BICRA: variants seen among roughly 807,000 people sequenced by gnomAD.
BICRA encodes BRD4-interacting chromatin-remodeling complex-associated protein.
A neutral mutation model predicts 96.9 loss-of-function variants in BICRA; 31 were observed. That is an observed-to-expected ratio of 0.32 (90% CI 0.24 to 0.43). BICRA has a LOEUF of 0.43. Ranked by LOEUF, BICRA falls within the 20% of genes least tolerant of loss-of-function variation. BICRA has a pLI of 1.00. For missense variants in BICRA, 2,283 were observed against 2,190.3 expected, an observed-to-expected ratio of 1.04 and a Z score of -0.84; for synonymous variants, 1,350 against 1,071.8, an observed-to-expected ratio of 1.26 and a Z score of -5.07.
chr19:47,638,323 A>G (rs1178400130), intron 1 of BICRA, among the ~76,000 whole-genome samples: 1 of 152,180 alleles, frequency 6.6e-6, no homozygotes, highest in Admixed American at 6.5e-5. Context: ...CCGGGAAGGC[A>G]TAGGGAGAGG....
intron 1 of BICRA, among the ~76,000 whole-genome samples, chr19:47,664,275 C>A (rs1379033856): frequency 3.3e-5 from 5 of 152,164 alleles, no homozygotes; most frequent in Non-Finnish European, 7.3e-5. Flanking sequence ...AGCAGCCTGG[C>A]TTCTGCACAG....
intron 1 of BICRA, among the ~76,000 whole-genome samples, chr19:47,630,346 T>G (rs1229717978): frequency 6.6e-6 from 1 of 151,596 alleles, no homozygotes; most frequent in Non-Finnish European, 1.5e-5. Context: ...GCTTTTTGTT[T>G]TTTTTTTAGT....
chr19:47,644,803 C>T (rs1196952038), intron 1 of BICRA, among the ~76,000 whole-genome samples: 5 of 152,110 alleles, frequency 3.3e-5, no homozygotes, highest in Non-Finnish European at 7.3e-5. Flanking sequence ...GCCCGGATTT[C>T]ATTCCATATG....
chr19:47,667,839 A>G (rs979142769), intron 1 of BICRA, among the ~76,000 whole-genome samples: 2 of 152,118 alleles, frequency 1.3e-5, no homozygotes, highest in African/African-American at 4.8e-5. Context: ...ATTCTGCTGT[A>G]TTTGTTTCAG....
rs763782809 is a variant in BICRA at position 47,694,712 on chromosome 19, G to A, written c.2881G>A (p.Glu961Lys). ...GCTGCCCCAGCCGAAGGCTCTTCTCGAGAGATTTCACCAGGTAACGGGAGG... is the reference window on the plus strand; with the variant it reads ...GCTGCCCCAGCCGAAGGCTCTTCTCAAGAGATTTCACCAGGTAACGGGAGG... Reference protein sequence around the residue: ...PALPQPKALLERFHQVPSGII... With the variant: ...PALPQPKALLKRFHQVPSGII... Residue 961 changes from glutamate to lysine, a missense_variant, in exon 8 of 15, where the codon GAG becomes AAG. By Grantham distance (56) the Glu-to-Lys change is moderately conservative (BLOSUM62 1). Transcript: ENST00000594866. The A allele has an allele frequency of 1.2e-5, 19 of 1,541,736 alleles. No individual in the cohort carries two copies. Among genetic ancestry groups the A allele is most frequent in the Non-Finnish European group, 1.4e-5 (16 of 1,130,604 alleles).
At chr19:47,652,161 A>G (rs2161621) in intron 1 of BICRA, among the ~76,000 whole-genome samples, 19,345 of 152,008 alleles carry the variant, frequency 0.13, 1,349 homozygotes, top group East Asian at 0.18. Flanking sequence ...GTAAAAAACT[A>G]TTTCAGGTAT....
chr19:47,657,815 A>T (rs1972643313), intron 1 of BICRA, among the ~76,000 whole-genome samples: 1 of 152,122 alleles, frequency 6.6e-6, no homozygotes, highest in Non-Finnish European at 1.5e-5. Context: ...TACTTAATCC[A>T]GGCTTTAATT....
rs1973499600 is a variant in BICRA, at chr19:47,703,163, T to C, written c.*748T>C. 6.5e-6 allele frequency: 1 copy of C among 152,728 alleles called. No homozygotes were observed. Among genetic ancestry groups the C allele is most frequent in the Non-Finnish European group, 1.5e-5 (1 of 68,102 alleles). The allele number at this position is 152,728 out of a possible 1,614,324, so 9.5% of individuals were successfully genotyped here. ...GAAATCTCGGAGACAAAACTAGTAC[T>C]GTAAGATAAATTTTTTTGTACTGTA... On this transcript the variant is annotated 3_prime_UTR_variant, in exon 15 of 15. Coordinates refer to ENST00000594866, the MANE Select transcript of BICRA (RefSeq NM_001394372.1).
At chr19:47,609,376 CTTTT>C (rs774981061) in intron 1 of BICRA, among the ~76,000 whole-genome samples, 3 of 27,612 alleles carry the variant, frequency 1.1e-4, no homozygotes, top group Non-Finnish European at 2.1e-4. Flanking sequence ...CCGCTGCCTC[CTTTT>C]TTTTTTTTTT....
rs570128848 is a variant in BICRA, at chr19:47,697,799, G to T, written c.3249-835G>T. Among the ~76,000 whole-genome samples, 293 of 152,250 alleles carry T rather than the reference G, an allele frequency of 1.9e-3. 2 individuals are homozygous for T. Among genetic ancestry groups the T allele is most frequent in the African/African-American group, 6.7e-3 (277 of 41,544 alleles). ...GGCCTAGGTTGGTCTGAAACTCCTA[G>T]TCTCAAGTGATCCTCCCACCTCAGT... On this transcript the variant is annotated intron_variant, in intron 11 of 14. Transcript: ENST00000594866.
chr19:47,694,810 G>T lies in BICRA; in HGVS notation c.2895+84G>T, dbSNP rs1455535867. Reference sequence around the variant, plus strand: ...CTGATGGGAGCCCCTCCGCCTTACGGCTCTGTGATCCTCCCCAGCCCTGCT... The same window carrying T: ...CTGATGGGAGCCCCTCCGCCTTACGTCTCTGTGATCCTCCCCAGCCCTGCT... On this transcript the variant is annotated intron_variant, in intron 8 of 14. Coordinates refer to ENST00000594866, the MANE Select transcript of BICRA (RefSeq NM_001394372.1). The T allele has an allele frequency of 3.4e-6, 4 of 1,167,394 alleles. No homozygotes were observed. The African/African-American group carries it at 4.6e-5, about 13-fold the overall frequency. 72.3% of individuals were successfully genotyped at this position (1,167,394 alleles called of 1,614,324 possible). A position where few individuals can be genotyped will look rare whatever the true frequency, so the allele number is the denominator to read the frequency against.
chr19:47,608,794 G>A (rs1304282642), upstream of BICRA, among the ~76,000 whole-genome samples: 3 of 151,562 alleles, frequency 2.0e-5, no homozygotes, highest in Non-Finnish European at 4.4e-5. Flanking sequence ...CGGACGCGGG[G>A]CGGGGATTCC....
intron 1 of BICRA, among the ~76,000 whole-genome samples, chr19:47,659,733 C>CAT (rs1226632355): frequency 3.5e-5 from 4 of 114,650 alleles, no homozygotes; most frequent in Non-Finnish European, 7.9e-5. Flanking sequence ...CACACACACA[C>CAT]GTTCTCTTCT....
In BICRA at chr19:47,694,591, C is replaced by G. The variant is rs377502847; in HGVS notation, c.2760C>G (p.Pro920=). The change falls in exon 8 of 15, where the codon CCC becomes CCG. Residue 920 remains proline, a synonymous_variant. Transcript: ENST00000594866. The part of the protein sequence containing the change: ...FPPSQGPHKS[P]TPPPTLHLVP... The stretch of plus-strand genomic sequence containing the variant: ...CCAGCCAGGGGCCCCACAAGTCCCC[C>G]ACTCCCCCTCCAACCCTCCACCTGG... The G allele has an allele frequency of 6.3e-7, 1 of 1,580,322 alleles. No individual in the cohort carries two copies. The highest frequency in any genetic ancestry group is 1.4e-5 in the African/African-American group (1 of 73,774).
At position 47,679,623 on chromosome 19, in the gene BICRA, C is replaced by T. The variant is rs910621563; in HGVS notation, c.453C>T (p.Ala151=). 37 of 1,515,980 alleles carry T rather than the reference C, an allele frequency of 2.4e-5. No individual in the cohort carries two copies. The highest frequency in any genetic ancestry group is 1.3e-4 in the Admixed American group (6 of 46,502). 93.9% of individuals were successfully genotyped at this position (1,515,980 alleles called of 1,614,324 possible). Residue 151 remains alanine, a synonymous_variant, in exon 6 of 15, where the codon GCC becomes GCT. Coordinates refer to ENST00000594866, the MANE Select transcript of BICRA (RefSeq NM_001394372.1). ...CGACGGGCGCTGGAGGGGCAGCGGC[C>T]GTGGCTGCGGGGCCCCAAGCCCTCT... ...AGPTGAGGAA[A]VAAGPQALFP...
rs562014894 is a variant in BICRA, at chr19:47,630,552, C to T, written c.-108+21384C>T. Among the ~76,000 whole-genome samples the T allele has an allele frequency of 3.9e-5, 6 of 152,254 alleles. No homozygotes were observed. The East Asian group carries it at 7.7e-4, about 20-fold the overall frequency. The stretch of plus-strand genomic sequence containing the variant: ...TTTGTGTTGATTTCACTTTACATGT[C>T]TTCATGGTTCATCCCTGTTGTAGCA... On this transcript the variant is annotated intron_variant, in intron 1 of 14. Transcript: ENST00000594866.
At chr19:47,642,728 AAAAG>A (rs1420794160) in intron 1 of BICRA, among the ~76,000 whole-genome samples, 3 of 152,114 alleles carry the variant, frequency 2.0e-5, no homozygotes, top group East Asian at 1.9e-4. Flanking sequence ...AGAAAAAGAA[AAAAG>A]AAAGAAAGTG....
At chr19:47,693,636 GGCTGGT>G (rs1416524219) in intron 7 of BICRA, among the ~76,000 whole-genome samples, 1 of 152,204 alleles carries the variant, frequency 6.6e-6, no homozygotes, top group African/African-American at 2.4e-5. Context: ...TGGCTGGATG[GGCTGGT>G]GGGGGCTGGC....
At chr19:47,648,086 CCCTGTTTTCCTGTTACCGTCT>C (rs1165254003) in intron 1 of BICRA, among the ~76,000 whole-genome samples, 1 of 151,948 alleles carries the variant, frequency 6.6e-6, no homozygotes, top group Non-Finnish European at 1.5e-5. Context: ...CTCTCCGTCT[CCCTGTTTTCCTGTTACCGTCT>C]CCCCGTCCCT....
Sources: gnomAD v4.1 joint callset for allele counts (sites outside exome capture counted in the v4.1 genomes callset) on GRCh38, gnomAD v4.1.1 for gene constraint, MANE v1.5 for transcripts, NCBI Gene and HGNC (gene_info 2026-07-23, HGNC 2026-07-21) for gene names.